The following LARP4 variants were observed in gnomAD, a reference collection of about 807,000 sequenced individuals.
LARP4 encodes la-related protein 4.
In LARP4, 29 loss-of-function variants were observed where a neutral mutation model predicts 92.9. The ratio of observed to expected loss-of-function variants is 0.31; its 90% CI spans 0.23 to 0.43. LARP4 has a LOEUF of 0.43. Among genes scored for constraint, LARP4 ranks in the 20% least tolerant of loss-of-function variants. The pLI, the probability that LARP4 is intolerant of heterozygous loss-of-function variation, is 1.00. For synonymous variants in LARP4, 279 were observed against 284.1 expected (o/e 0.98, Z 0.18); for missense variants, 732 against 860.0 (o/e 0.85, Z 1.86).
At chr12:50,444,811 G>C (rs1593167955) in intron 8 of LARP4, among the ~76,000 whole-genome samples, 2 of 152,078 alleles carry the variant, frequency 1.3e-5, no homozygotes, top group South Asian at 4.1e-4. Flanking sequence ...AAAATAACTG[G>C]TATCAGTTCC....
rs765899403 is a variant in LARP4, at chr12:50,475,621, T to C, written c.1932T>C (p.Asn644=). ...AGCCACTACGGGAACTTCGCTCCAA[T>C]GTGGTGTCTCCCACCAAAAATGAAG... ...LVQPLRELRS[N]VVSPTKNEDN... Residue 644 remains asparagine (N), a synonymous_variant, in exon 16 of 16, where the codon AAT becomes AAC. Transcript: ENST00000398473. The C allele has an allele frequency of 1.2e-6, 2 of 1,614,132 alleles. No individual in the cohort carries two copies. The highest frequency in any genetic ancestry group is 1.7e-6 in the Non-Finnish European group (2 of 1,180,032).
In LARP4 at chr12:50,476,786, A is replaced by G. The variant is rs942219773; in HGVS notation, c.*922A>G. 6 of 152,590 alleles carry G rather than the reference A, an allele frequency of 3.9e-5. No individual in the cohort carries two copies. Among genetic ancestry groups the G allele is most frequent in the Non-Finnish European group, 5.9e-5 (4 of 68,034 alleles). The allele number at this position is 152,590 out of a possible 1,614,324, so 9.5% of individuals were successfully genotyped here. A position where few individuals can be genotyped will look rare whatever the true frequency, so the allele number is the denominator to read the frequency against. ...CACCCACAGAAAAGCAAAATAACCA[A>G]CTACCTACTCAATTGTGTGTTTGTA... On this transcript the variant is annotated 3_prime_UTR_variant, in exon 16 of 16. Transcript: ENST00000398473.
At chr12:50,411,351 A>T in intron 1 of LARP4, among the ~76,000 whole-genome samples, 1 of 151,712 alleles carries the variant, frequency 6.6e-6, no homozygotes, top group East Asian at 1.9e-4. Flanking sequence ...ATTTTTAAAA[A>T]TTTTTATTTA....
Position 50,435,966 on chromosome 12 carries a change from G to A in LARP4, c.535+342G>A, listed in dbSNP as rs543485809. ...CTAATCTTTAAATTTTTGTATAGAG[G>A]TGGGGTCTTGGTATGTTCCCCAGGC... is the stretch of plus-strand genomic sequence containing the variant. On this transcript the variant is annotated intron_variant, in intron 5 of 15. Coordinates refer to ENST00000398473, the MANE Select transcript of LARP4 (RefSeq NM_052879.5). Among the ~76,000 whole-genome samples the A allele has an allele frequency of 3.0e-5, 4 of 132,542 alleles. No individual in the cohort carries two copies. In the South Asian group the frequency reaches 8.3e-4, roughly 27 times the overall value. The allele number at this position is 132,542 out of a possible 152,430, so 87.0% of individuals were successfully genotyped here.
At chr12:50,423,509 C>T (rs540789492) in intron 1 of LARP4, among the ~76,000 whole-genome samples, 12 of 151,924 alleles carry the variant, frequency 7.9e-5, no homozygotes, top group Non-Finnish European at 1.6e-4. Context: ...AGTGCAGTGG[C>T]GTAATCTCGG....
chr12:50,462,042 C>T (rs1955472812), intron 11 of LARP4, among the ~76,000 whole-genome samples: 1 of 152,110 alleles, frequency 6.6e-6, no homozygotes, highest in African/African-American at 2.4e-5. Context: ...TTGAAGGGAT[C>T]ACTACTAACA....
intron 1 of LARP4, among the ~76,000 whole-genome samples, chr12:50,419,869 CGCTCCACCCTGG>C (rs1391234963): frequency 1.3e-5 from 2 of 152,226 alleles, no homozygotes; most frequent in East Asian, 3.9e-4. Flanking sequence ...CACGCCCCTG[CGCTCCACCCTGG>C]GCAACAAGAG....
intron 1 of LARP4, among the ~76,000 whole-genome samples, chr12:50,408,983 A>G (rs1426844342): frequency 6.6e-6 from 1 of 150,964 alleles, no homozygotes; most frequent in African/African-American, 2.4e-5. Context: ...TGTCTTAAAA[A>G]TTTTTTTTTT....
intron 7 of LARP4, among the ~76,000 whole-genome samples, chr12:50,441,014 G>C (rs1951126821): frequency 6.6e-6 from 1 of 150,728 alleles, no homozygotes; most frequent in Non-Finnish European, 1.5e-5. Flanking sequence ...CTCCCAAGTA[G>C]CTGGAATTAC....
intron 1 of LARP4, among the ~76,000 whole-genome samples, chr12:50,422,921 G>A (rs1012827208): frequency 4.6e-5 from 7 of 151,414 alleles, no homozygotes; most frequent in Admixed American, 6.6e-5. Context: ...GGGTTCAAGC[G>A]ATTCTCTTGT....
chr12:50,453,611 T>C lies in LARP4; in HGVS notation c.956T>C (p.Val319Ala), dbSNP rs1953672796. 6.2e-7 allele frequency: 1 copy of C among 1,613,390 alleles called. No homozygotes were observed. Among genetic ancestry groups the C allele is most frequent in the Admixed American group, 1.7e-5 (1 of 59,984 alleles). ...PVYNPHQQYS[V>A]YSIVPQSWSP... ...TATAATCCTCACCAACAGTACTCGGTCTATAGTATTGTGCCTCAGTCTTGG... is the reference window on the plus strand; with the variant it reads ...TATAATCCTCACCAACAGTACTCGGCCTATAGTATTGTGCCTCAGTCTTGG... The change falls in exon 9 of 16, where the codon GTC becomes GCC. Residue 319 changes from valine to alanine, a missense_variant. Physicochemically the swap from Val to Ala is moderately conservative, Grantham distance 64. Around this residue, in one of 7 missense-constraint regions of LARP4, gnomAD observed 264 missense variants for 269.5 expected, o/e 0.98. Coordinates refer to ENST00000398473, the MANE Select transcript of LARP4 (RefSeq NM_052879.5).
At chr12:50,465,802 G>A (rs1003848323) in intron 12 of LARP4, among the ~76,000 whole-genome samples, 1 of 152,126 alleles carries the variant, frequency 6.6e-6, no homozygotes, top group Non-Finnish European at 1.5e-5. Context: ...TGATATTTTT[G>A]TAAATTTACA....
At chr12:50,426,122 T>G (rs763993688) in intron 1 of LARP4, among the ~76,000 whole-genome samples, 10 of 152,054 alleles carry the variant, frequency 6.6e-5, no homozygotes, top group Non-Finnish European at 1.0e-4. Flanking sequence ...GGATCAAATG[T>G]CAGGATCCCC....
At chr12:50,417,660 C>A (rs1213377955) in intron 1 of LARP4, among the ~76,000 whole-genome samples, 1 of 152,188 alleles carries the variant, frequency 6.6e-6, no homozygotes, top group East Asian at 1.9e-4. Flanking sequence ...CCAAGAAGCA[C>A]TGCATAGCAA....
At chr12:50,436,123 A>G (rs59747661) in intron 5 of LARP4, among the ~76,000 whole-genome samples, 1,297 of 113,144 alleles carry the variant, frequency 0.011, 37 homozygotes, top group African/African-American at 0.047. Flanking sequence ...TGTGTGTGAT[A>G]TGTGTGTGTG....
chr12:50,459,545 G>T (rs1045574039), intron 10 of LARP4, among the ~76,000 whole-genome samples: 1 of 152,102 alleles, frequency 6.6e-6, no homozygotes, highest in Non-Finnish European at 1.5e-5. Flanking sequence ...AGAATGCATA[G>T]CTGGGCCTGG....
chr12:50,460,064 G>A (rs1173081838), intron 10 of LARP4, among the ~76,000 whole-genome samples: 2 of 151,872 alleles, frequency 1.3e-5, no homozygotes, highest in African/African-American at 4.8e-5. Context: ...GCATCTGGGA[G>A]GCAGAGGTTG....
intron 11 of LARP4, 24 bp from the exon 12 acceptor site, chr12:50,462,557 AC>A: frequency 6.4e-6 from 3 of 470,116 alleles, no homozygotes; most frequent in East Asian, 4.4e-5. Context: ...ACCCCACCCC[AC>A]CCCCACCTTT....
intron 8 of LARP4, among the ~76,000 whole-genome samples, chr12:50,449,738 G>A (rs1228136640): frequency 6.6e-6 from 1 of 152,054 alleles, no homozygotes; most frequent in African/African-American, 2.4e-5. Context: ...CAGGTTCTAT[G>A]TGAAATCCAT....
Sources: gnomAD v4.1 joint callset for allele counts (sites outside exome capture counted in the v4.1 genomes callset) on GRCh38, gnomAD v4.1.1 for gene constraint, gnomAD v4.1.1 regional missense constraint, MANE v1.5 for transcripts, NCBI Gene and HGNC (gene_info 2026-07-23, HGNC 2026-07-21) for gene names.